Variants in TULP4 observed in about 807,000 individuals in gnomAD.
TULP4 encodes TUB like protein 4, also known as tubby-related protein 4.
Under a neutral mutation model 129.0 loss-of-function variants are expected in TULP4, and 16 were observed. The ratio of observed to expected loss-of-function variants is 0.12; its 90% CI spans 0.08 to 0.19. The LOEUF (loss-of-function observed/expected upper bound fraction) is 0.19. TULP4 is among the 10% of genes least tolerant of loss of function. The pLI is 1.00. For synonymous variants in TULP4, 998 were observed against 854.0 expected, an observed-to-expected ratio of 1.17 and a Z score of -2.94; for missense variants, 1,842 against 2,059.1, an observed-to-expected ratio of 0.89 and a Z score of 2.04.
At chr6:158,458,180 G>C (rs1779337129) in intron 5 of TULP4, among the ~76,000 whole-genome samples, 1 of 152,082 alleles carries the variant, frequency 6.6e-6, no homozygotes, top group Non-Finnish European at 1.5e-5. Flanking sequence ...TTAAAATTTA[G>C]CTGCCTCTTT....
chr6:158,492,018 C>A (rs1780222840), intron 9 of TULP4, among the ~76,000 whole-genome samples: 1 of 151,826 alleles, frequency 6.6e-6, no homozygotes, highest in African/African-American at 2.4e-5. Flanking sequence ...GCCACCACGC[C>A]CGGCTAATTT....
intron 1 of TULP4, among the ~76,000 whole-genome samples, chr6:158,329,590 T>C (rs1430145575): frequency 1.3e-5 from 2 of 152,138 alleles, no homozygotes; most frequent in African/African-American, 4.8e-5. Context: ...TGAGTTAATG[T>C]TTAGGACTTG....
chr6:158,303,527 C>T (rs760043956), intron 1 of TULP4, among the ~76,000 whole-genome samples: 12 of 151,946 alleles, frequency 7.9e-5, no homozygotes, highest in Admixed American at 1.3e-4. Flanking sequence ...TCAGGGAACA[C>T]GACAAAGGGC....
rs753703206 is a variant in TULP4, at chr6:158,498,672, T to C, written c.1874T>C (p.Ile625Thr). 2.5e-6 allele frequency: 4 copies of C among 1,614,030 alleles called. No homozygotes were observed. The Admixed American group carries it at 5.0e-5, about 20-fold the overall frequency. The change falls in exon 12 of 14, where the codon ATC becomes ACC. Residue 625 changes from isoleucine to threonine, a missense_variant. By Grantham distance (89) the Ile-to-Thr change is moderately conservative. This residue lies in a region of TULP4 where 99 missense variants were observed against 165.1 expected (regional missense o/e 0.60). Transcript: ENST00000367097. The stretch of plus-strand genomic sequence containing the variant: ...TGCCCTTCTTTTTCCCCACCAGTAA[T>C]CTATAAAACCAGCCTCCTGCATCTC... ...AFLPTNLGAV[I>T]YKTSLLHLQP... is the part of the protein sequence containing the mutation.
At chr6:158,484,931 G>C (rs2128252355) in intron 8 of TULP4, among the ~76,000 whole-genome samples, 1 of 152,384 alleles carries the variant, frequency 6.6e-6, no homozygotes, top group South Asian at 2.1e-4. Context: ...CAGGAAATGG[G>C]TATTGCTGTA....
rs138066719 is a variant in TULP4 at position 158,502,832 on chromosome 6, G to A, written c.3169G>A (p.Ala1057Thr). 1.4e-4 allele frequency: 219 copies of A among 1,612,786 alleles called. No homozygotes were observed. Among genetic ancestry groups the A allele is most frequent in the Non-Finnish European group, 1.7e-4 (205 of 1,179,922 alleles). ...SQPGASLAHT[A>T]SASPLASQSS... Reference sequence around the variant, plus strand: ...GCCCGGAGCCTCCCTGGCCCATACCGCCAGCGCCTCCCCGTTGGCCTCCCA... The same window carrying A: ...GCCCGGAGCCTCCCTGGCCCATACCACCAGCGCCTCCCCGTTGGCCTCCCA... The change falls in exon 13 of 14, where the codon GCC becomes ACC. Residue 1057 changes from alanine to threonine, a missense_variant. Ala to Thr is a moderately conservative substitution (Grantham distance 58). Transcript: ENST00000367097.
Position 158,503,144 on chromosome 6 carries a change from C to A in TULP4, c.3481C>A (p.Leu1161Met). The part of the protein sequence containing the change: ...SSLMLSQGQH[L>M]DVSRLPFISP... ...TCTGATGCTGAGTCAGGGCCAGCAC[C>A]TGGACGTGTCCCGACTGCCCTTCAT... is the stretch of plus-strand genomic sequence containing the variant. Residue 1161 changes from leucine (L) to methionine (M), a missense_variant, in exon 13 of 14, where the codon CTG becomes ATG. By Grantham distance (15) the Leu-to-Met change is conservative (BLOSUM62 2). Transcript: ENST00000367097. The surrounding 1 kb of genome is among the most constrained non-coding windows in gnomAD (Gnocchi z 4.3). 1 of 1,613,736 alleles carries A rather than the reference C, an allele frequency of 6.2e-7. No homozygotes were observed. The highest frequency in any genetic ancestry group is 8.5e-7 in the Non-Finnish European group (1 of 1,179,728).
At chr6:158,454,542 C>T (rs958260692) in intron 5 of TULP4, among the ~76,000 whole-genome samples, 2 of 151,922 alleles carry the variant, frequency 1.3e-5, no homozygotes, top group African/African-American at 2.4e-5. Flanking sequence ...TTTTTACCAC[C>T]CTGCTTATGG....
At chr6:158,480,743 T>C (rs1779922432) in intron 7 of TULP4, among the ~76,000 whole-genome samples, 1 of 152,148 alleles carries the variant, frequency 6.6e-6, no homozygotes, top group Non-Finnish European at 1.5e-5. Context: ...CGAGCAGATC[T>C]CAACACCGGT....
rs1777103800 is a variant in TULP4, at chr6:158,372,952, G to A, written c.253-40113G>A. Among the ~76,000 whole-genome samples the A allele has an allele frequency of 1.3e-5, 2 of 152,164 alleles. 1 individual carries two copies. Among genetic ancestry groups the A allele is most frequent in the South Asian group, 4.1e-4 (2 of 4,826 alleles). ...GAGTTGATATTTAGCTTGTTTTTAT[G>A]CAACAGTAATGGAAACTTTTAGCAT... On this transcript the variant is annotated intron_variant, in intron 1 of 13. Transcript: ENST00000367097.
intron 10 of TULP4, among the ~76,000 whole-genome samples, chr6:158,494,339 CA>C: frequency 6.6e-6 from 1 of 152,252 alleles, no homozygotes; most frequent in South Asian, 2.1e-4. Context: ...ATACCTTAGG[CA>C]AAATAATTTC....
intron 5 of TULP4, among the ~76,000 whole-genome samples, 195 bp from the exon 6 acceptor site, chr6:158,461,368 G>A (rs1481993152): frequency 1.3e-5 from 2 of 149,854 alleles, no homozygotes; most frequent in Non-Finnish European, 2.9e-5. Flanking sequence ...CCGAGATCAC[G>A]CCATTGCACT....
intron 1 of TULP4, among the ~76,000 whole-genome samples, chr6:158,362,035 T>G (rs1296470046): frequency 1.3e-5 from 2 of 152,174 alleles, no homozygotes; most frequent in Non-Finnish European, 2.9e-5. Flanking sequence ...GAAAGACTGT[T>G]TTGCGATTAC....
chr6:158,458,943 T>G (rs1779355381), intron 5 of TULP4, among the ~76,000 whole-genome samples: 1 of 152,254 alleles, frequency 6.6e-6, no homozygotes, highest in African/African-American at 2.4e-5. Flanking sequence ...CGGCTGTGCC[T>G]GTCATGTGGC....
At chr6:158,379,259 C>T (rs1051406407) in intron 1 of TULP4, among the ~76,000 whole-genome samples, 3 of 152,188 alleles carry the variant, frequency 2.0e-5, no homozygotes, top group Non-Finnish European at 4.4e-5. Flanking sequence ...AGGTAGTTCT[C>T]CTCATATGAA....
intron 5 of TULP4, 84 bp downstream of exon 5, chr6:158,452,352 T>TA: frequency 6.5e-7 from 1 of 1,531,232 alleles, no homozygotes. Context: ...ACTCTGTGCT[T>TA]ACTGATTCCT....
At position 158,481,065 on chromosome 6, in the gene TULP4, C is replaced by T; in HGVS notation, c.1262C>T (p.Pro421Leu). Residue 421 changes from proline (P) to leucine (L), a missense_variant, in exon 8 of 14, where the codon CCA becomes CTA. Around this residue, in one of 5 missense-constraint regions of TULP4, gnomAD observed 456 missense variants for 534.3 expected, o/e 0.85. Transcript: ENST00000367097. ...AFIPTIKPPIPDPNNMRDFVS... is the reference protein window; with the variant it reads ...AFIPTIKPPILDPNNMRDFVS... The stretch of plus-strand genomic sequence containing the variant: ...TCCTGTATCCTCCAGCCCCCAATTC[C>T]AGATCCGAACAACATGAGAGACTTT... 1 of 1,566,262 alleles carries T rather than the reference C, an allele frequency of 6.4e-7. No homozygotes were observed. Among genetic ancestry groups the T allele is most frequent in the Non-Finnish European group, 8.7e-7 (1 of 1,152,484 alleles).
At chr6:158,316,154 C>G (rs1434500418) in intron 1 of TULP4, among the ~76,000 whole-genome samples, 2 of 152,184 alleles carry the variant, frequency 1.3e-5, no homozygotes, top group Non-Finnish European at 2.9e-5. Flanking sequence ...TGTGAATTGT[C>G]CACTGAAGGA....
At chr6:158,310,847 A>T (rs1779334275), upstream of TULP4, among the ~76,000 whole-genome samples, 1 of 152,204 alleles carries the variant, frequency 6.6e-6, no homozygotes, top group Admixed American at 6.5e-5. Flanking sequence ...CTTTATGTGT[A>T]CCTACTATTT....
Sources: gnomAD v4.1 joint callset for allele counts (sites outside exome capture counted in the v4.1 genomes callset) on GRCh38, gnomAD v4.1.1 for gene constraint, gnomAD v4.1.1 regional missense constraint, Gnocchi (gnomAD v3.1) non-coding constraint, MANE v1.5 for transcripts, NCBI Gene and HGNC (gene_info 2026-07-23, HGNC 2026-07-21) for gene names.